Variants in OSBPL10 observed in about 807,000 individuals in gnomAD.
OSBPL10 encodes oxysterol-binding protein-related protein 10.
OSBPL10 carries 49 observed loss-of-function variants against 81.7 expected under a neutral mutation model. The observed-to-expected ratio is 0.60, with a 90% confidence interval of 0.48 to 0.76. The LOEUF is 0.76. OSBPL10 is among the 30% of genes least tolerant of loss of function. The pLI, the probability that OSBPL10 is intolerant of heterozygous loss-of-function variation, is 0.00. For synonymous variants in OSBPL10, 419 were observed against 383.6 expected (o/e 1.09, Z -1.08); for missense variants, 923 against 987.8 (o/e 0.93, Z 0.88).
chr3:31,827,424 C>G (rs923430463), intron 4 of OSBPL10, among the ~76,000 whole-genome samples: 1 of 152,074 alleles, frequency 6.6e-6, no homozygotes, highest in Admixed American at 6.6e-5. Context: ...ATCACGAGGT[C>G]AGGAGATCAA....
At chr3:31,842,278 T>C (rs1700518866) in intron 3 of OSBPL10, among the ~76,000 whole-genome samples, 1 of 152,244 alleles carries the variant, frequency 6.6e-6, no homozygotes. Context: ...AGGACTTCTC[T>C]TGAAGTATCT....
intron 2 of OSBPL10, among the ~76,000 whole-genome samples, chr3:32,019,515 A>G (rs758894511): frequency 9.9e-5 from 15 of 152,182 alleles, no homozygotes; most frequent in Non-Finnish European, 2.1e-4. Context: ...TTCTGAAGAG[A>G]GGAGTATAAT....
intron 7 of OSBPL10, among the ~76,000 whole-genome samples, 161 bp from the exon 8 acceptor site, chr3:31,684,275 A>G (rs1051241176): frequency 2.7e-4 from 41 of 152,338 alleles, no homozygotes; most frequent in African/African-American, 9.6e-4. Context: ...AAGGGAAACA[A>G]TATCAAAGAA....
At chr3:31,865,794 G>T (rs111289262) in intron 3 of OSBPL10, among the ~76,000 whole-genome samples, 5 of 152,286 alleles carry the variant, frequency 3.3e-5, no homozygotes, top group African/African-American at 1.2e-4. Context: ...AAAATTCTGA[G>T]AATTCAGCCA....
At chr3:31,761,034 TCA>T (rs1698021454) in intron 4 of OSBPL10, among the ~76,000 whole-genome samples, 1 of 152,186 alleles carries the variant, frequency 6.6e-6, no homozygotes, top group Non-Finnish European at 1.5e-5. Flanking sequence ...ATTTGTATTC[TCA>T]GTCGTGTGTG....
intron 6 of OSBPL10, among the ~76,000 whole-genome samples, chr3:31,711,220 T>C (rs1696241955): frequency 6.6e-6 from 1 of 152,234 alleles, no homozygotes; most frequent in South Asian, 2.1e-4. Flanking sequence ...AGTGCACACC[T>C]ACTTTCCAAC....
chr3:31,684,404 A>G (rs1415071374), intron 7 of OSBPL10, among the ~76,000 whole-genome samples: 1 of 152,160 alleles, frequency 6.6e-6, no homozygotes. Flanking sequence ...CTCCACTGCC[A>G]TTTCTCCCCT....
At chr3:31,702,226 A>C (rs1363031707) in intron 7 of OSBPL10, 133 bp downstream of exon 7, 1 of 1,073,818 alleles carries the variant, frequency 9.3e-7, no homozygotes, top group East Asian at 2.6e-5. Flanking sequence ...CATACTTGAA[A>C]GCAATGCTGG....
intron 2 of OSBPL10, among the ~76,000 whole-genome samples, chr3:31,995,647 G>A (rs12635070): frequency 0.16 from 24,799 of 152,086 alleles, 2,256 homozygotes; most frequent in South Asian, 0.32. Context: ...CTCAGCTTAC[G>A]AAGATAACAG....
intron 4 of OSBPL10, among the ~76,000 whole-genome samples, chr3:31,814,702 T>A (rs897902176): frequency 2.0e-5 from 3 of 152,180 alleles, no homozygotes; most frequent in Non-Finnish European, 4.4e-5. Context: ...CTAGCCTCAA[T>A]AACTGTGAGG....
chr3:31,809,842 G>GAAA (rs780552457), intron 4 of OSBPL10, among the ~76,000 whole-genome samples: 6 of 144,388 alleles, frequency 4.2e-5, no homozygotes, highest in Non-Finnish European at 9.0e-5. Context: ...ACCAGCCCAA[G>GAAA]AAAATGTCAA....
chr3:31,843,917 C>T (rs1408201554), intron 3 of OSBPL10, among the ~76,000 whole-genome samples: 15 of 152,194 alleles, frequency 9.9e-5, no homozygotes, highest in Admixed American at 9.8e-4. Flanking sequence ...ACACAGGCAG[C>T]AGCCATGAGT....
At chr3:31,919,153 C>G (rs1161107588) in intron 1 of OSBPL10, among the ~76,000 whole-genome samples, 2 of 152,214 alleles carry the variant, frequency 1.3e-5, no homozygotes, top group East Asian at 3.9e-4. Flanking sequence ...CTGTGTCCTC[C>G]TGCCCTCAGG....
chr3:31,879,560 A>G, intron 2 of OSBPL10, 95 bp downstream of exon 2: 1 of 1,322,152 alleles, frequency 7.6e-7, no homozygotes, highest in Middle Eastern at 1.9e-4. Context: ...CAAACTGTCA[A>G]AGGCAATTTA....
chr3:31,760,474 C>T (rs1698001655), intron 4 of OSBPL10, among the ~76,000 whole-genome samples: 1 of 152,232 alleles, frequency 6.6e-6, no homozygotes, highest in East Asian at 1.9e-4. Context: ...TTTAGATCAT[C>T]TCTAAATTGC....
chr3:31,965,828 A>AATATATTATATTATCTATT, intron 1 of OSBPL10, among the ~76,000 whole-genome samples: 1 of 82,414 alleles, frequency 1.2e-5, no homozygotes, highest in South Asian at 3.5e-4. Context: ...TATTATATAA[A>AATATATTATATTATCTATT]TATATAATAT....
upstream of OSBPL10, among the ~76,000 whole-genome samples, chr3:31,981,531 G>A (rs1361216244): frequency 6.6e-6 from 1 of 152,098 alleles, no homozygotes; most frequent in Admixed American, 6.5e-5. The surrounding 1 kb of genome is among the most constrained non-coding windows in gnomAD (Gnocchi z 4.5). Context: ...AGGCCCTCGG[G>A]ACACTCTAGG....
chr3:31,718,586 C>T (rs532219349), intron 6 of OSBPL10, among the ~76,000 whole-genome samples: 32 of 152,304 alleles, frequency 2.1e-4, no homozygotes, highest in African/African-American at 7.5e-4. Flanking sequence ...TCATGAAACG[C>T]ATCCTTCATA....
upstream of OSBPL10, among the ~76,000 whole-genome samples, chr3:31,984,493 G>A (rs1227064617): frequency 2.6e-5 from 4 of 152,096 alleles, no homozygotes. Flanking sequence ...AGGACCTGAT[G>A]AGCCAGTTTA....
Sources: gnomAD v4.1 joint callset for allele counts (sites outside exome capture counted in the v4.1 genomes callset) on GRCh38, gnomAD v4.1.1 for gene constraint, Gnocchi (gnomAD v3.1) non-coding constraint, MANE v1.5 for transcripts, NCBI Gene and HGNC (gene_info 2026-07-23, HGNC 2026-07-21) for gene names.